Variants in FANCC observed in about 807,000 individuals in gnomAD.
FANCC encodes the protein Fanconi anemia group C protein.
FANCC carries 55 observed loss-of-function variants against 71.3 expected under a neutral mutation model. The observed-to-expected ratio is 0.77, with a 90% confidence interval of 0.62 to 0.97. FANCC has a LOEUF of 0.97. Among genes scored for constraint, FANCC ranks in the 50% least tolerant of loss-of-function variants. The pLI is 0.00. For missense variants in FANCC, 678 were observed against 670.9 expected, an observed-to-expected ratio of 1.01 and a Z score of -0.12; for synonymous variants, 275 against 244.9, an observed-to-expected ratio of 1.12 and a Z score of -1.15.
In FANCC at chr9:95,239,441, C is replaced by G. The variant is rs117680871; in HGVS notation, c.345+1208G>C. On this transcript the variant is annotated intron_variant, in intron 4 of 14. Transcript: ENST00000289081. Reference sequence around the variant, plus strand: ...ATGAGTTAAATGAAGAAAGTTAATCCAGTCACTCTAAAAACACTTCATTAG... The same window carrying G: ...ATGAGTTAAATGAAGAAAGTTAATCGAGTCACTCTAAAAACACTTCATTAG... 2.8e-3 allele frequency among the ~76,000 whole-genome samples: 432 copies of G among 152,196 alleles called. 9 individuals are homozygous for G. The South Asian group carries it at 0.042, about 15-fold the overall frequency.
chr9:95,203,125 G>T (rs1373446267), intron 4 of FANCC, among the ~76,000 whole-genome samples: 1 of 152,152 alleles, frequency 6.6e-6, no homozygotes, highest in Non-Finnish European at 1.5e-5. Flanking sequence ...AGGCACAGTG[G>T]CTCATGCCAC....
Position 95,293,816 on chromosome 9 carries a change from A to C in FANCC, c.-79+23710T>G. 1.9e-6 allele frequency: 3 copies of C among 1,613,600 alleles called. No individual in the cohort carries two copies. The South Asian group carries it at 3.3e-5, about 18-fold the overall frequency. On this transcript the variant is annotated intron_variant, in intron 1 of 14. Transcript: ENST00000289081. ...TCCAGTCGGGTGGGGTCTCCTGAGA[A>C]ACTCAAACCAGTGGGATACAAAGTC...
intron 6 of FANCC, among the ~76,000 whole-genome samples, chr9:95,168,992 T>C (rs924945038): frequency 9.9e-5 from 15 of 152,230 alleles, no homozygotes; most frequent in Admixed American, 5.2e-4. Flanking sequence ...ACTGTCACAG[T>C]ATCACTGTGC....
chr9:95,176,642 T>C (rs919923282), intron 4 of FANCC, among the ~76,000 whole-genome samples: 24 of 152,266 alleles, frequency 1.6e-4, no homozygotes, highest in African/African-American at 5.8e-4. Context: ...GCTCAGTTTT[T>C]AATCAAATTC....
At chr9:95,278,125 C>A (rs1400134202) in intron 1 of FANCC, among the ~76,000 whole-genome samples, 1 of 152,054 alleles carries the variant, frequency 6.6e-6, no homozygotes, top group Non-Finnish European at 1.5e-5. Context: ...AGTTAAACAG[C>A]CAAGCTGTAT....
chr9:95,194,094 T>C (rs540730630), intron 4 of FANCC, among the ~76,000 whole-genome samples: 1 of 152,218 alleles, frequency 6.6e-6, no homozygotes, highest in South Asian at 2.1e-4. Context: ...ATTCCATTGG[T>C]AATTCTGATG....
intron 14 of FANCC, among the ~76,000 whole-genome samples, chr9:95,106,095 G>A (rs1026722645): frequency 2.6e-5 from 4 of 152,208 alleles, no homozygotes; most frequent in African/African-American, 9.7e-5. Context: ...GGAAGCATAT[G>A]AGTGTTCCGG....
intron 11 of FANCC, among the ~76,000 whole-genome samples, chr9:95,115,398 A>G (rs1413153008): frequency 6.6e-6 from 1 of 152,220 alleles, no homozygotes; most frequent in Non-Finnish European, 1.5e-5. Flanking sequence ...AAATAGACGG[A>G]GACTGTAGTA....
chr9:95,188,698 CTCTT>C (rs1393768949), intron 4 of FANCC, among the ~76,000 whole-genome samples: 9 of 152,204 alleles, frequency 5.9e-5, no homozygotes, highest in African/African-American at 9.6e-5. Context: ...AGTAACTTCT[CTCTT>C]TGTTTCCCAC....
chr9:95,283,796 G>C (rs1023343453), intron 1 of FANCC, among the ~76,000 whole-genome samples: 1 of 152,204 alleles, frequency 6.6e-6, no homozygotes, highest in Non-Finnish European at 1.5e-5. Context: ...ACTCACCTGT[G>C]CCTCTTTCTT....
intron 12 of FANCC, among the ~76,000 whole-genome samples, chr9:95,113,533 C>A (rs1406312201): frequency 6.6e-6 from 1 of 152,092 alleles, no homozygotes; most frequent in Admixed American, 6.5e-5. Flanking sequence ...GCGGTCCACA[C>A]CTGTAATCCC....
rs114658967 is a variant in FANCC, at chr9:95,156,385, G to T, written c.522-6298C>A. Among the ~76,000 whole-genome samples, 1,504 of 152,232 alleles carry T rather than the reference G, an allele frequency of 9.9e-3. 31 individuals carry two copies. Among genetic ancestry groups the T allele is most frequent in the African/African-American group, 0.034 (1,422 of 41,538 alleles). Reference sequence around the variant, plus strand: ...GTGCTCCCTGTAAACCAACACATCCGATACATTCCTAATTTGCTCTACTGA... The same window carrying T: ...GTGCTCCCTGTAAACCAACACATCCTATACATTCCTAATTTGCTCTACTGA... On this transcript the variant is annotated intron_variant, in intron 6 of 14. Transcript: ENST00000289081.
intron 1 of FANCC, among the ~76,000 whole-genome samples, chr9:95,252,563 A>G (rs938705634): frequency 7.9e-5 from 12 of 151,510 alleles, no homozygotes; most frequent in African/African-American, 2.9e-4. Context: ...TGGCTAACAC[A>G]GCGAAACCCC....
intron 10 of FANCC, among the ~76,000 whole-genome samples, chr9:95,124,080 G>A (rs1451847351): frequency 7.3e-6 from 1 of 136,776 alleles, no homozygotes; most frequent in Non-Finnish European, 1.5e-5. Flanking sequence ...CTCCAGCCTG[G>A]GTGACAGAGT....
intron 4 of FANCC, among the ~76,000 whole-genome samples, chr9:95,187,659 G>A (rs1013521585): frequency 3.3e-5 from 5 of 151,948 alleles, no homozygotes; most frequent in African/African-American, 1.2e-4. Flanking sequence ...AAAGTCTGGG[G>A]CTCACCAGCC....
chr9:95,123,586 C>T (rs146720279), intron 10 of FANCC: 406 of 581,166 alleles, frequency 7.0e-4, no homozygotes, highest in African/African-American at 5.5e-3. Flanking sequence ...AGCCTATTTG[C>T]GACACGAACT....
At chr9:95,305,184 A>G (rs1286562371) in intron 1 of FANCC, among the ~76,000 whole-genome samples, 1 of 152,244 alleles carries the variant, frequency 6.6e-6, no homozygotes, top group Admixed American at 6.5e-5. Flanking sequence ...CAAAGAAAAC[A>G]AAATCACCCC....
At chr9:95,143,281 T>C (rs1829036785) in intron 7 of FANCC, among the ~76,000 whole-genome samples, 1 of 152,116 alleles carries the variant, frequency 6.6e-6, no homozygotes, top group Admixed American at 6.5e-5. Context: ...TGACCACCAA[T>C]CTGGAAGCTA....
At chr9:95,121,489 C>T (rs929192737) in intron 10 of FANCC, among the ~76,000 whole-genome samples, 7 of 152,212 alleles carry the variant, frequency 4.6e-5, no homozygotes, top group Admixed American at 1.3e-4. Flanking sequence ...GAAAGTTGAA[C>T]TTTTGTATTC....
Sources: gnomAD v4.1 joint callset for allele counts (sites outside exome capture counted in the v4.1 genomes callset) on GRCh38, gnomAD v4.1.1 for gene constraint, MANE v1.5 for transcripts, NCBI Gene and HGNC (gene_info 2026-07-23, HGNC 2026-07-21) for gene names.